GALNT12: variants seen among roughly 807,000 people sequenced by gnomAD.
GALNT12 encodes UDP-GalNAc:polypeptide N-acetylgalactosaminyltransferase 12.
In GALNT12, 45 loss-of-function variants were observed where a neutral mutation model predicts 55.5. The ratio of observed to expected loss-of-function variants is 0.81; its 90% CI spans 0.64 to 1.04. The LOEUF (loss-of-function observed/expected upper bound fraction) is 1.04. Ranked by LOEUF, GALNT12 falls within the 50% of genes least tolerant of loss-of-function variation. The pLI, the probability that GALNT12 is intolerant of heterozygous loss-of-function variation, is 0.00. For missense variants in GALNT12, 709 were observed against 754.8 expected (o/e 0.94, Z 0.71); for synonymous variants, 304 against 312.2 (o/e 0.97, Z 0.28).
chr9:98,827,324 C>T (rs1421437119), intron 3 of GALNT12, among the ~76,000 whole-genome samples: 2 of 151,998 alleles, frequency 1.3e-5, no homozygotes, highest in South Asian at 2.1e-4. Flanking sequence ...CCTCAGCCTC[C>T]GGAGTAGCTG....
intron 9 of GALNT12, among the ~76,000 whole-genome samples, chr9:98,848,228 C>T (rs1836464652): frequency 6.6e-6 from 1 of 152,058 alleles, no homozygotes; most frequent in African/African-American, 2.4e-5. Context: ...AACAGCACAT[C>T]ACAAAGGTTT....
rs746684383 is a variant in GALNT12 at position 98,836,979 on chromosome 9, A to G, written c.1043A>G (p.Gln348Arg). ...ENLEFSFRIWQCGGVLETHPC... is the reference protein window; with the variant it reads ...ENLEFSFRIWRCGGVLETHPC... Reference sequence around the variant, plus strand: ...CCTTTTCTCTGTGTGCAGATCTGGCAGTGTGGTGGGGTTCTGGAAACACAC... The same window carrying G: ...CCTTTTCTCTGTGTGCAGATCTGGCGGTGTGGTGGGGTTCTGGAAACACAC... Residue 348 changes from glutamine (Q) to arginine (R), a missense_variant, in exon 6 of 10, where the codon CAG becomes CGG. Transcript: ENST00000375011. 6.2e-7 allele frequency: 1 copy of G among 1,613,928 alleles called. No individual in the cohort carries two copies. The highest frequency in any genetic ancestry group is 1.1e-5 in the South Asian group (1 of 91,066).
chr9:98,846,210 C>T, intron 9 of GALNT12, 87 bp downstream of exon 9: 1 of 1,523,166 alleles, frequency 6.6e-7, no homozygotes, highest in Non-Finnish European at 9.1e-7. Flanking sequence ...CTGGCATAGT[C>T]CTGGTGAGGA....
chr9:98,831,338 C>T (rs1835988066), intron 3 of GALNT12, among the ~76,000 whole-genome samples: 1 of 152,160 alleles, frequency 6.6e-6, no homozygotes, highest in Admixed American at 6.5e-5. Context: ...TAATGTCACA[C>T]AACAAATAAA....
intron 1 of GALNT12, among the ~76,000 whole-genome samples, chr9:98,817,920 G>A (rs1835650857): frequency 6.6e-6 from 1 of 152,020 alleles, no homozygotes; most frequent in African/African-American, 2.4e-5. Context: ...TTATATTAAA[G>A]TTTTAATTTG....
At chr9:98,848,462 C>T (rs886212001) in intron 9 of GALNT12, among the ~76,000 whole-genome samples, 2 of 152,118 alleles carry the variant, frequency 1.3e-5, no homozygotes, top group Non-Finnish European at 2.9e-5. Flanking sequence ...GGCATATAAC[C>T]CACTGATTCT....
At chr9:98,825,616 C>T (rs1401849846) in intron 2 of GALNT12, among the ~76,000 whole-genome samples, 1 of 152,190 alleles carries the variant, frequency 6.6e-6, no homozygotes, top group Non-Finnish European at 1.5e-5. Flanking sequence ...AGCTAATTAG[C>T]TTTGCTTGCA....
intron 4 of GALNT12, 61 bp from the exon 5 acceptor site, chr9:98,835,188 T>C (rs1158605981): frequency 1.8e-6 from 2 of 1,138,548 alleles, no homozygotes; most frequent in African/African-American, 1.5e-5. Flanking sequence ...GGGAAGGTAG[T>C]TGGATAACTG....
chr9:98,814,191 T>C (rs1166890608), intron 1 of GALNT12, among the ~76,000 whole-genome samples: 2 of 152,134 alleles, frequency 1.3e-5, no homozygotes, highest in East Asian at 1.9e-4. Flanking sequence ...TGCATGTGCT[T>C]GTGTATGTTC....
At chr9:98,832,779 C>G (rs1836033023) in intron 4 of GALNT12, among the ~76,000 whole-genome samples, 1 of 152,130 alleles carries the variant, frequency 6.6e-6, no homozygotes, top group Non-Finnish European at 1.5e-5. Context: ...ATCATGTTTT[C>G]AAGTTTCCTA....
At chr9:98,827,918 C>G (rs558483451) in intron 3 of GALNT12, among the ~76,000 whole-genome samples, 1 of 152,298 alleles carries the variant, frequency 6.6e-6, no homozygotes, top group Middle Eastern at 3.4e-3. Flanking sequence ...ACCTTCCCCC[C>G]TCAAGAAGCC....
chr9:98,829,284 G>A (rs1835939640), intron 3 of GALNT12, among the ~76,000 whole-genome samples: 1 of 151,800 alleles, frequency 6.6e-6, no homozygotes, highest in Non-Finnish European at 1.5e-5. Flanking sequence ...TGCCTCCCAG[G>A]TTCAAGTGAT....
At chr9:98,810,432 A>C (rs1053442981) in intron 1 of GALNT12, among the ~76,000 whole-genome samples, 2 of 152,192 alleles carry the variant, frequency 1.3e-5, no homozygotes, top group African/African-American at 4.8e-5. Context: ...TTATGAAAGC[A>C]ATGCATATTC....
In GALNT12 at chr9:98,849,204, T is replaced by A; in HGVS notation, c.*112T>A. The A allele has an allele frequency of 9.7e-7, 1 of 1,033,452 alleles. No homozygotes were observed. The highest frequency in any genetic ancestry group is 1.5e-6 in the Non-Finnish European group (1 of 668,532). The allele number at this position is 1,033,452 out of a possible 1,614,324, so 64.0% of individuals were successfully genotyped here. A position where few individuals can be genotyped will look rare whatever the true frequency, so the allele number is the denominator to read the frequency against. On this transcript the variant is annotated 3_prime_UTR_variant, in exon 10 of 10. Transcript: ENST00000375011. ...CCACCAAAAACTAGGCTGCATTGCTTTGAAGAGGCAATCATTTTGCCATTT... is the reference window on the plus strand; with the variant it reads ...CCACCAAAAACTAGGCTGCATTGCTATGAAGAGGCAATCATTTTGCCATTT...
intron 7 of GALNT12, 56 bp downstream of exon 7, chr9:98,840,189 G>T: frequency 6.2e-7 from 1 of 1,608,196 alleles, no homozygotes. Flanking sequence ...CTCTGGGTCT[G>T]CTCTGCAAAT....
chr9:98,817,095 G>A (rs933640788), intron 1 of GALNT12, among the ~76,000 whole-genome samples: 6 of 151,946 alleles, frequency 3.9e-5, no homozygotes, highest in Admixed American at 6.6e-5. Flanking sequence ...CGAAGTGCTG[G>A]GATTACAGGC....
chr9:98,831,994 CA>C (rs1564256169), intron 4 of GALNT12, 37 bp downstream of exon 4: 1 of 1,573,000 alleles, frequency 6.4e-7, no homozygotes, highest in East Asian at 2.3e-5. Context: ...GTTTTTTAAG[CA>C]TGCCTCATTG....
intron 1 of GALNT12, among the ~76,000 whole-genome samples, chr9:98,813,336 T>G (rs1253157683): frequency 6.6e-6 from 1 of 152,236 alleles, no homozygotes; most frequent in African/African-American, 2.4e-5. Context: ...TCATTCTTGT[T>G]TCTTTGTCAT....
chr9:98,819,774 C>T (rs561650216), intron 1 of GALNT12, among the ~76,000 whole-genome samples: 1 of 152,078 alleles, frequency 6.6e-6, no homozygotes, highest in Admixed American at 6.5e-5. Context: ...TCTTTAGATT[C>T]AGATGGCCCA....
Sources: gnomAD v4.1 joint callset for allele counts (sites outside exome capture counted in the v4.1 genomes callset) on GRCh38, gnomAD v4.1.1 for gene constraint, MANE v1.5 for transcripts, NCBI Gene and HGNC (gene_info 2026-07-23, HGNC 2026-07-21) for gene names.